Variants in C10orf90 observed in about 807,000 individuals in gnomAD.
C10orf90 encodes chromosome 10 open reading frame 90.
A neutral mutation model predicts 62.5 loss-of-function variants in C10orf90; 56 were observed. That is an observed-to-expected ratio of 0.90 (90% CI 0.72 to 1.12). The LOEUF (loss-of-function observed/expected upper bound fraction) is 1.12, where lower values mean the gene tolerates loss of function less well. C10orf90 is among the 50% of genes most tolerant of loss of function. The pLI is 0.00. For synonymous variants in C10orf90, 386 were observed against 340.4 expected, an observed-to-expected ratio of 1.13 and a Z score of -1.47; for missense variants, 970 against 880.4, an observed-to-expected ratio of 1.10 and a Z score of -1.29.
intron 2 of C10orf90, among the ~76,000 whole-genome samples, chr10:126,616,255 T>A: frequency 6.6e-6 from 1 of 152,046 alleles, no homozygotes; most frequent in East Asian, 1.9e-4. Context: ...TAATCAAGAG[T>A]GTACTACCAT....
chr10:126,430,698 G>C (rs562575266), intron 7 of C10orf90, among the ~76,000 whole-genome samples: 1 of 152,288 alleles, frequency 6.6e-6, no homozygotes, highest in East Asian at 1.9e-4. Flanking sequence ...GCAGTAACCT[G>C]CTCATTCAGC....
chr10:126,597,385 C>T (rs867871935), intron 2 of C10orf90, among the ~76,000 whole-genome samples: 2 of 152,210 alleles, frequency 1.3e-5, no homozygotes, highest in Non-Finnish European at 2.9e-5. Context: ...GGCGAGATAG[C>T]ACATGGTGTG....
At chr10:126,549,086 G>A (rs1864570254) in intron 2 of C10orf90, among the ~76,000 whole-genome samples, 1 of 152,114 alleles carries the variant, frequency 6.6e-6, no homozygotes, top group Non-Finnish European at 1.5e-5. Context: ...GAAATCTTTG[G>A]AATCTAAGGC....
At chr10:126,604,597 C>A (rs1049983521) in intron 2 of C10orf90, among the ~76,000 whole-genome samples, 9 of 152,178 alleles carry the variant, frequency 5.9e-5, no homozygotes, top group Non-Finnish European at 1.3e-4. Context: ...AGACCCCCAG[C>A]AAAGTTAATT....
chr10:126,532,980 T>C (rs1269514671), intron 2 of C10orf90, among the ~76,000 whole-genome samples: 1 of 150,958 alleles, frequency 6.6e-6, no homozygotes, highest in Non-Finnish European at 1.5e-5. Context: ...TCGCCCAGGC[T>C]GGAGTGCAGT....
rs189311676 is a variant in C10orf90 at position 126,670,373 on chromosome 10, C to G, written c.108G>C (p.Glu36Asp). Reference protein sequence around the residue: ...RTFQIKTFSTELKNHVMVMDF... With the variant: ...RTFQIKTFSTDLKNHVMVMDF... ...CCATGACCATCACATGGTTTTTCAACTCTGTACTAAATGTTTTTATCTGGA... is the reference window on the plus strand; with the variant it reads ...CCATGACCATCACATGGTTTTTCAAGTCTGTACTAAATGTTTTTATCTGGA... The change falls in exon 1 of 10, where the codon GAG (glutamate) becomes GAC (aspartate). Residue 36 changes from glutamate to aspartate, a missense_variant. Glu to Asp is a conservative substitution (Grantham distance 45). Coordinates refer to ENST00000488181, the MANE Select transcript of C10orf90 (RefSeq NM_001350921.2). 7 of 456,740 alleles carry G rather than the reference C, an allele frequency of 1.5e-5. No individual in the cohort carries two copies. The highest frequency in any genetic ancestry group is 4.0e-5 in the African/African-American group (2 of 50,200). The allele number at this position is 456,740 out of a possible 1,614,324, so 28.3% of individuals were successfully genotyped here. A position where few individuals can be genotyped will look rare whatever the true frequency, so the allele number is the denominator to read the frequency against.
Position 126,504,636 on chromosome 10 carries a change from C to T in C10orf90, c.855G>A (p.Arg285=). 3 of 1,614,224 alleles carry T rather than the reference C, an allele frequency of 1.9e-6. No homozygotes were observed. Among genetic ancestry groups the T allele is most frequent in the Non-Finnish European group, 2.5e-6 (3 of 1,180,042 alleles). ...PALANGAHPG[R]HQRSFACTEF... is the part of the protein sequence containing the mutation. ...CTGTGCAGGCAAAAGATCTCTGATGCCGACCTGGATGGGCGCCATTGGCCA... is the reference window on the plus strand; with the variant it reads ...CTGTGCAGGCAAAAGATCTCTGATGTCGACCTGGATGGGCGCCATTGGCCA... Residue 285 remains arginine (R), a synonymous_variant, in exon 4 of 10, where the codon CGG becomes CGA. Coordinates refer to ENST00000488181, the MANE Select transcript of C10orf90 (RefSeq NM_001350921.2). This position sits in a 1 kb window ranked among gnomAD's most constrained non-coding sequence, Gnocchi z 4.1.
intron 4 of C10orf90, among the ~76,000 whole-genome samples, chr10:126,467,990 C>G (rs559414532): frequency 1.3e-5 from 2 of 152,210 alleles, no homozygotes; most frequent in Admixed American, 6.5e-5. Flanking sequence ...ACTCCACATT[C>G]TTTTTGTCTC....
intron 2 of C10orf90, among the ~76,000 whole-genome samples, chr10:126,611,377 C>T (rs1845429979): frequency 6.6e-6 from 1 of 152,188 alleles, no homozygotes; most frequent in African/African-American, 2.4e-5. Context: ...AGATGGACCA[C>T]ATTTTATTGA....
intron 5 of C10orf90, 21 bp from the exon 6 acceptor site, chr10:126,461,606 T>A (rs1859984592): frequency 6.2e-7 from 1 of 1,606,148 alleles, no homozygotes; most frequent in Non-Finnish European, 8.5e-7. Flanking sequence ...AGATTTAGAA[T>A]CCCATTTAGA....
chr10:126,450,816 G>T (rs1859131325), intron 7 of C10orf90, among the ~76,000 whole-genome samples: 1 of 152,020 alleles, frequency 6.6e-6, no homozygotes, highest in African/African-American at 2.4e-5. Flanking sequence ...AAAAGCACAG[G>T]CAACAACACC....
At chr10:126,452,789 A>T (rs567206247) in intron 7 of C10orf90, among the ~76,000 whole-genome samples, 1 of 152,350 alleles carries the variant, frequency 6.6e-6, no homozygotes, top group East Asian at 1.9e-4. Context: ...CCTTTTCAGT[A>T]ATTCATGCTT....
At chr10:126,483,252 C>T (rs1391544543) in intron 4 of C10orf90, among the ~76,000 whole-genome samples, 1 of 152,238 alleles carries the variant, frequency 6.6e-6, no homozygotes, top group Non-Finnish European at 1.5e-5. Context: ...AAGTGAAATA[C>T]ACTGTTTCAT....
intron 2 of C10orf90, among the ~76,000 whole-genome samples, chr10:126,590,647 A>G (rs541114603): frequency 5.8e-4 from 89 of 152,188 alleles, no homozygotes; most frequent in Non-Finnish European, 1.1e-3. Flanking sequence ...AATGAGAACA[A>G]AGAGACAACA....
chr10:126,528,225 G>C (rs1203846462), intron 2 of C10orf90, among the ~76,000 whole-genome samples: 1 of 152,060 alleles, frequency 6.6e-6, no homozygotes. Flanking sequence ...CTCAGGAACA[G>C]GAAAAAGAAG....
At chr10:126,516,152 G>A (rs1863427847) in intron 2 of C10orf90, among the ~76,000 whole-genome samples, 1 of 152,216 alleles carries the variant, frequency 6.6e-6, no homozygotes, top group African/African-American at 2.4e-5. Flanking sequence ...ACCTACAGTG[G>A]ATGGGCTGTG....
At chr10:126,618,623 T>C (rs1025641) in intron 2 of C10orf90, among the ~76,000 whole-genome samples, 64,151 of 151,938 alleles carry the variant, frequency 0.42, 14,783 homozygotes, top group African/African-American at 0.61. Flanking sequence ...GTAAGTCAAA[T>C]GACCTCAGTT....
At chr10:126,486,388 G>A (rs946635212) in intron 4 of C10orf90, among the ~76,000 whole-genome samples, 1 of 152,104 alleles carries the variant, frequency 6.6e-6, no homozygotes, top group Non-Finnish European at 1.5e-5. Context: ...ATAAACATGA[G>A]CTCAGGATCA....
intron 3 of C10orf90, among the ~76,000 whole-genome samples, chr10:126,506,751 C>T (rs1862757100): frequency 6.6e-6 from 1 of 152,120 alleles, no homozygotes; most frequent in African/African-American, 2.4e-5. Flanking sequence ...GAGGAAGGGC[C>T]TATGTGTGTT....
Sources: gnomAD v4.1 joint callset for allele counts (sites outside exome capture counted in the v4.1 genomes callset) on GRCh38, gnomAD v4.1.1 for gene constraint, Gnocchi (gnomAD v3.1) non-coding constraint, MANE v1.5 for transcripts, NCBI Gene and HGNC (gene_info 2026-07-23, HGNC 2026-07-21) for gene names.